Variants in RFTN2 observed in about 807,000 individuals in gnomAD.
RFTN2 encodes the protein raftlin family member 2.
In RFTN2, 34 loss-of-function variants were observed where a neutral mutation model predicts 52.7. The ratio of observed to expected loss-of-function variants is 0.64; its 90% CI spans 0.49 to 0.86. RFTN2 has a LOEUF of 0.86. Among genes scored for constraint, RFTN2 ranks in the 40% least tolerant of loss-of-function variants. The pLI is 0.00. For missense variants in RFTN2, 536 were observed against 600.1 expected (o/e 0.89, Z 1.12); for synonymous variants, 203 against 217.7 (o/e 0.93, Z 0.59).
At chr2:197,597,898 G>T (rs1414650991) in intron 7 of RFTN2, among the ~76,000 whole-genome samples, 3 of 152,156 alleles carry the variant, frequency 2.0e-5, no homozygotes, top group African/African-American at 7.2e-5. Context: ...CATTGTGCTT[G>T]CCACAAGAAG....
chr2:197,605,103 GT>G (rs1300525424), intron 7 of RFTN2, among the ~76,000 whole-genome samples: 1 of 152,172 alleles, frequency 6.6e-6, no homozygotes, highest in East Asian at 1.9e-4. Flanking sequence ...CACAAAAATT[GT>G]TTTAAAATAG....
chr2:197,661,118 A>G (rs935794971), intron 1 of RFTN2, among the ~76,000 whole-genome samples: 9 of 152,110 alleles, frequency 5.9e-5, no homozygotes, highest in African/African-American at 2.2e-4. Flanking sequence ...TTAAGCTCCC[A>G]TATATGAGTG....
In RFTN2 at chr2:197,571,720, A is replaced by G. The variant is rs2087321166; in HGVS notation, c.*288T>C. The G allele has an allele frequency of 2.7e-6, 1 of 375,318 alleles. No individual in the cohort carries two copies. The highest frequency in any genetic ancestry group is 4.8e-6 in the Non-Finnish European group (1 of 206,342). The allele number at this position is 375,318 out of a possible 1,614,324, so 23.2% of individuals were successfully genotyped here. A position where few individuals can be genotyped will look rare whatever the true frequency, so the allele number is the denominator to read the frequency against. On this transcript the variant is annotated 3_prime_UTR_variant, in exon 9 of 9. Coordinates refer to ENST00000295049, the MANE Select transcript of RFTN2 (RefSeq NM_144629.3). ...GGAATTGTAAGAAAGTCTACTTTGT[A>G]CATTCATGAGAAGCTGAAATAGATT...
At position 197,571,744 on chromosome 2, in the gene RFTN2, T is replaced by A. The variant is rs889983987; in HGVS notation, c.*264A>T. The A allele has an allele frequency of 4.4e-6, 2 of 457,012 alleles. No individual in the cohort carries two copies. Among genetic ancestry groups the A allele is most frequent in the African/African-American group, 3.9e-5 (2 of 50,888 alleles). The allele number at this position is 457,012 out of a possible 1,614,324, so 28.3% of individuals were successfully genotyped here. A position where few individuals can be genotyped will look rare whatever the true frequency, so the allele number is the denominator to read the frequency against. On this transcript the variant is annotated 3_prime_UTR_variant, in exon 9 of 9. Transcript: ENST00000295049. ...TACATTCATGAGAAGCTGAAATAGA[T>A]TATTGTGTAATAACCGAATGGAACA...
chr2:197,675,172 A>G lies in RFTN2; in HGVS notation c.139+148T>C, dbSNP rs188837621. The stretch of plus-strand genomic sequence containing the variant: ...GCAATCAACAAAACAAAAATCTTAC[A>G]AAGTATAATTAAGAAGCGAAGCATT... On this transcript the variant is annotated intron_variant, in intron 1 of 8. Transcript: ENST00000295049. 4.8e-4 allele frequency: 274 copies of G among 565,826 alleles called. 1 individual carries two copies. The East Asian group carries it at 8.2e-3, about 17-fold the overall frequency. The allele number at this position is 565,826 out of a possible 1,614,324, so 35.1% of individuals were successfully genotyped here.
chr2:197,661,187 C>T (rs1159836078), intron 1 of RFTN2, among the ~76,000 whole-genome samples: 3 of 151,880 alleles, frequency 2.0e-5, no homozygotes, highest in Non-Finnish European at 4.4e-5. Flanking sequence ...TAATGTCCTC[C>T]AGCTCCATCC....
chr2:197,575,973 G>C (rs564364712), intron 8 of RFTN2, among the ~76,000 whole-genome samples: 16 of 149,598 alleles, frequency 1.1e-4, no homozygotes, highest in Admixed American at 7.4e-4. Context: ...CTTAACTTGT[G>C]ATGTTCAGAC....
At position 197,605,512 on chromosome 2, in the gene RFTN2, G is replaced by A. The variant is rs545233314; in HGVS notation, c.1155-9443C>T. Among the ~76,000 whole-genome samples, 112 of 152,210 alleles carry A rather than the reference G, an allele frequency of 7.4e-4. 1 individual carries two copies. Among genetic ancestry groups the A allele is most frequent in the African/African-American group, 2.6e-3 (107 of 41,528 alleles). On this transcript the variant is annotated intron_variant, in intron 7 of 8. Transcript: ENST00000295049. ...TTACAGGCGTGAGCCACCGCGCCTG[G>A]CCGAATTTGTTGGGTTTTAAATGAG...
At position 197,627,000 on chromosome 2, in the gene RFTN2, G is replaced by C. The variant is rs574217448; in HGVS notation, c.928+4011C>G. The stretch of plus-strand genomic sequence containing the variant: ...ATGCTTAGCACAACGCTGGTGTATA[G>C]CAAGTACAAAATAGATGTTAGCTGC... On this transcript the variant is annotated intron_variant, in intron 5 of 8. Coordinates refer to ENST00000295049, the MANE Select transcript of RFTN2 (RefSeq NM_144629.3). Among the ~76,000 whole-genome samples, 3 of 152,298 alleles carry C rather than the reference G, an allele frequency of 2.0e-5. No individual in the cohort carries two copies. In the East Asian group the frequency reaches 5.8e-4, roughly 29 times the overall value.
intron 8 of RFTN2, among the ~76,000 whole-genome samples, chr2:197,580,859 C>G (rs950559101): frequency 6.6e-6 from 1 of 152,134 alleles, no homozygotes; most frequent in African/African-American, 2.4e-5. Context: ...CCCCACCTGC[C>G]CAGTTCCCTT....
intron 8 of RFTN2, among the ~76,000 whole-genome samples, chr2:197,573,947 C>T (rs1405646022): frequency 6.6e-6 from 1 of 152,200 alleles, no homozygotes; most frequent in Admixed American, 6.5e-5. Flanking sequence ...GGTTTGGGAA[C>T]CTCTGCCTAG....
At chr2:197,646,897 CA>C (rs35611096) in intron 1 of RFTN2, among the ~76,000 whole-genome samples, 13 of 88,268 alleles carry the variant, frequency 1.5e-4, no homozygotes, top group African/African-American at 4.3e-4. Flanking sequence ...ATTGTCTCTA[CA>C]AAAAAAAAAA....
intron 3 of RFTN2, among the ~76,000 whole-genome samples, chr2:197,637,467 G>C (rs1276450652): frequency 6.6e-6 from 1 of 151,976 alleles, no homozygotes; most frequent in Non-Finnish European, 1.5e-5. Context: ...GTTTAGTCTT[G>C]GGAGAGTGTA....
At chr2:197,600,421 A>G (rs1239414610) in intron 7 of RFTN2, among the ~76,000 whole-genome samples, 1 of 152,110 alleles carries the variant, frequency 6.6e-6, no homozygotes, top group Non-Finnish European at 1.5e-5. Flanking sequence ...TGGTTTTCTG[A>G]GGGCCATTTT....
At chr2:197,596,811 A>G (rs1460134152) in intron 7 of RFTN2, among the ~76,000 whole-genome samples, 1 of 152,184 alleles carries the variant, frequency 6.6e-6, no homozygotes, top group Non-Finnish European at 1.5e-5. Flanking sequence ...AGGGACTTCA[A>G]CTATAGCTAG....
Position 197,570,459 on chromosome 2 carries a change from T to C in RFTN2, c.*1549A>G, listed in dbSNP as rs1234926310. ...CATATTATATGAAGGCCAGGCATGG[T>C]GGCTCACGCCTGTAATCCCAGCATT... is the stretch of plus-strand genomic sequence containing the variant. On this transcript the variant is annotated 3_prime_UTR_variant, in exon 9 of 9. Coordinates refer to ENST00000295049, the MANE Select transcript of RFTN2 (RefSeq NM_144629.3). The C allele has an allele frequency of 6.6e-6, 1 of 152,250 alleles. No homozygotes were observed. Among genetic ancestry groups the C allele is most frequent in the African/African-American group, 2.4e-5 (1 of 41,468 alleles). The allele number at this position is 152,250 out of a possible 1,614,324, so 9.4% of individuals were successfully genotyped here. A position where few individuals can be genotyped will look rare whatever the true frequency, so the allele number is the denominator to read the frequency against.
intron 7 of RFTN2, among the ~76,000 whole-genome samples, chr2:197,605,668 C>A (rs1307698124): frequency 6.6e-6 from 1 of 152,140 alleles, no homozygotes; most frequent in East Asian, 1.9e-4. Flanking sequence ...ACGTCCGCTC[C>A]CATGCACATA....
intron 5 of RFTN2, among the ~76,000 whole-genome samples, chr2:197,621,479 G>C (rs903723696): frequency 7.0e-6 from 1 of 143,782 alleles, no homozygotes; most frequent in Admixed American, 7.1e-5. Context: ...TTTTTCCAAA[G>C]GTGTGTACTC....
intron 1 of RFTN2, among the ~76,000 whole-genome samples, chr2:197,651,022 C>T (rs1213860618): frequency 6.6e-6 from 1 of 152,164 alleles, no homozygotes; most frequent in Non-Finnish European, 1.5e-5. Flanking sequence ...TTGTATTCCC[C>T]TAATTATTAG....
Sources: allele counts gnomAD v4.1 joint callset (sites outside exome capture counted in the v4.1 genomes callset), GRCh38; gene constraint gnomAD v4.1.1; transcripts MANE v1.5; gene names NCBI Gene and HGNC (gene_info 2026-07-23, HGNC 2026-07-21).